Variants in METTL16 observed in about 807,000 individuals in gnomAD.
METTL16 encodes the protein methyltransferase 16, RNA N6-adenosine, also known as RNA N(6)-adenosine-methyltransferase METTL16.
Under a neutral mutation model 57.9 loss-of-function variants are expected in METTL16, and 19 were observed. That is an observed-to-expected ratio of 0.33 (90% confidence interval 0.23 to 0.48). The LOEUF (loss-of-function observed/expected upper bound fraction) is 0.48, where lower values mean the gene tolerates loss of function less well. Among genes scored for constraint, METTL16 ranks in the 20% least tolerant of loss-of-function variants. The probability of loss-of-function intolerance (pLI) is 0.99; values close to 1 mark genes in which losing one functional copy is unlikely to be tolerated. For missense variants in METTL16, 434 were observed against 691.5 expected (o/e 0.63, Z 4.18); for synonymous variants, 246 against 255.6 (o/e 0.96, Z 0.36).
chr17:2,475,507 TTAAAAGA>T (rs1274494755), intron 3 of METTL16, among the ~76,000 whole-genome samples: 1 of 152,136 alleles, frequency 6.6e-6, no homozygotes, highest in African/African-American at 2.4e-5. Flanking sequence ...TCAATTTCAT[TTAAAAGA>T]TAAAAAAGTA....
At chr17:2,439,118 A>G (rs192977031) in intron 7 of METTL16, among the ~76,000 whole-genome samples, 155 of 152,004 alleles carry the variant, frequency 1.0e-3, no homozygotes, top group African/African-American at 3.1e-3. Context: ...TTAAAAGAAA[A>G]TTTTTTGGGG....
At chr17:2,476,899 C>T (rs1050565071) in intron 3 of METTL16, among the ~76,000 whole-genome samples, 32 of 150,590 alleles carry the variant, frequency 2.1e-4, no homozygotes, top group African/African-American at 7.3e-4. Context: ...GAGGTTGCAA[C>T]GAGTCGAGAC....
Position 2,504,119 on chromosome 17 carries a change from A to G in METTL16, c.1-1788T>C, listed in dbSNP as rs372070601. On this transcript the variant is annotated intron_variant, in intron 1 of 9. Coordinates refer to ENST00000263092, the MANE Select transcript of METTL16 (RefSeq NM_024086.4). The stretch of plus-strand genomic sequence containing the variant: ...TGCTAAGGGAAATAAACCACACACA[A>G]AAGGACAAATATTGTATGCTTTCAC... Among the ~76,000 whole-genome samples, 53 of 152,338 alleles carry G rather than the reference A, an allele frequency of 3.5e-4. No individual in the cohort carries two copies. The Middle Eastern group carries it at 0.01, about 29-fold the overall frequency.
intron 1 of METTL16, among the ~76,000 whole-genome samples, chr17:2,511,280 C>A (rs1344303566): frequency 6.6e-6 from 1 of 151,910 alleles, no homozygotes; most frequent in Non-Finnish European, 1.5e-5. Flanking sequence ...TGACCATTAA[C>A]CCTCTTCAAC....
Position 2,420,934 on chromosome 17 carries a change from A to C in METTL16, c.889-30T>G, listed in dbSNP as rs1252695289. 6.2e-6 allele frequency: 10 copies of C among 1,600,616 alleles called. No individual in the cohort carries two copies. The African/African-American group carries it at 1.4e-4, about 22-fold the overall frequency. On this transcript the variant is annotated intron_variant, in intron 8 of 9. Coordinates refer to ENST00000263092, the MANE Select transcript of METTL16 (RefSeq NM_024086.4). This position sits in a 1 kb window ranked among gnomAD's most constrained non-coding sequence, Gnocchi z 5.4. ...AAGAAAAAGGAAGCATAGAAAAGAG[A>C]AGAAAGTTATCCGAATAATTAAACC...
chr17:2,447,759 G>T (rs1567889465), intron 6 of METTL16, among the ~76,000 whole-genome samples: 3 of 128,806 alleles, frequency 2.3e-5, no homozygotes, highest in Non-Finnish European at 5.0e-5. Context: ...GAGGTGGGGG[G>T]ATCAGCCCCC....
At chr17:2,495,643 T>A (rs1244294664) in intron 2 of METTL16, among the ~76,000 whole-genome samples, 4 of 143,172 alleles carry the variant, frequency 2.8e-5, no homozygotes, top group Admixed American at 7.2e-5. Context: ...TGCAGTGAGC[T>A]GAGATCCGGC....
At chr17:2,444,774 C>T (rs986965254) in intron 6 of METTL16, among the ~76,000 whole-genome samples, 15 of 148,400 alleles carry the variant, frequency 1.0e-4, no homozygotes, top group East Asian at 8.1e-4. Flanking sequence ...AGTGCAGTGG[C>T]GTGATCTTGG....
intron 2 of METTL16, among the ~76,000 whole-genome samples, chr17:2,479,628 C>T (rs1373246260): frequency 1.3e-5 from 2 of 152,110 alleles, no homozygotes; most frequent in African/African-American, 2.4e-5. Flanking sequence ...TGCTCCCCTG[C>T]CTGGTCATCA....
chr17:2,463,547 T>C (rs141022076), intron 6 of METTL16, among the ~76,000 whole-genome samples: 2,413 of 152,080 alleles, frequency 0.016, 56 homozygotes, highest in African/African-American at 0.051. Flanking sequence ...CTGCAACCTC[T>C]GCCTCCTGGG....
At chr17:2,453,383 T>G (rs140096583) in intron 6 of METTL16, among the ~76,000 whole-genome samples, 1 of 152,204 alleles carries the variant, frequency 6.6e-6, no homozygotes, top group African/African-American at 2.4e-5. Flanking sequence ...CTTCTTTTAC[T>G]CTCATGACCT....
rs1178930575 is a variant in METTL16, at chr17:2,423,261, G to GGGGGGTGTGT, written c.889-2358_889-2357insACACACCCCC. 5.6e-5 allele frequency among the ~76,000 whole-genome samples: 8 copies of GGGGGGTGTGT among 143,706 alleles called. No individual in the cohort carries two copies. The Admixed American group carries it at 5.7e-4, about 10-fold the overall frequency. 94.3% of individuals were successfully genotyped at this position (143,706 alleles called of 152,430 possible). A position where few individuals can be genotyped will look rare whatever the true frequency, so the allele number is the denominator to read the frequency against. ...TGTTAGGGAAGGATAAAAAACAAAGGGTGTGTGTGTGTGTGTGTGTGTGTG... is the reference window on the plus strand; with the variant it reads ...TGTTAGGGAAGGATAAAAAACAAAGGGGGGGTGTGTGTGTGTGTGTGTGTGTGTGTGTGTG... On this transcript the variant is annotated intron_variant, in intron 8 of 9. Coordinates refer to ENST00000263092, the MANE Select transcript of METTL16 (RefSeq NM_024086.4).
At chr17:2,467,947 G>A (rs570737696) in intron 4 of METTL16, 71 bp from the exon 5 acceptor site, 20 of 1,018,482 alleles carry the variant, frequency 2.0e-5, no homozygotes, top group South Asian at 6.6e-5. Flanking sequence ...CGCGCACTGC[G>A]TAATGATTCT....
At chr17:2,463,530 C>T (rs575012557) in intron 6 of METTL16, among the ~76,000 whole-genome samples, 21 of 152,162 alleles carry the variant, frequency 1.4e-4, no homozygotes, top group African/African-American at 2.2e-4. Flanking sequence ...GGCATGATCT[C>T]GGCTCACTGC....
chr17:2,509,944 G>A (rs2067575680), intron 1 of METTL16, among the ~76,000 whole-genome samples: 2 of 151,728 alleles, frequency 1.3e-5, no homozygotes, highest in South Asian at 4.2e-4. Flanking sequence ...GGGCGTGGTG[G>A]TGGGTGCCTG....
At chr17:2,493,691 T>G (rs904538618) in intron 2 of METTL16, among the ~76,000 whole-genome samples, 1 of 147,574 alleles carries the variant, frequency 6.8e-6, no homozygotes, top group African/African-American at 2.5e-5. Flanking sequence ...TGCACTCCAG[T>G]CTGGGTGACG....
At chr17:2,430,258 G>T (rs951011014) in intron 8 of METTL16, among the ~76,000 whole-genome samples, 2 of 151,478 alleles carry the variant, frequency 1.3e-5, no homozygotes, top group African/African-American at 2.4e-5. Context: ...GACTTCAGGC[G>T]CATACCACCA....
Position 2,444,435 on chromosome 17 carries a change from G to A in METTL16, c.729-2876C>T, listed in dbSNP as rs552052765. 5.9e-5 allele frequency among the ~76,000 whole-genome samples: 9 copies of A among 152,092 alleles called. No homozygotes were observed. In the South Asian group the frequency reaches 1.9e-3, roughly 32 times the overall value. The stretch of plus-strand genomic sequence containing the variant: ...ACTGCACTCCAGCCTGGGCTACAGA[G>A]CGAGACTCTGTCTCAAAATAAAATA... On this transcript the variant is annotated intron_variant, in intron 6 of 9. Transcript: ENST00000263092.
intron 2 of METTL16, among the ~76,000 whole-genome samples, chr17:2,483,429 G>A (rs962143356): frequency 6.6e-6 from 1 of 152,190 alleles, no homozygotes; most frequent in Non-Finnish European, 1.5e-5. Flanking sequence ...GACAGTGGAA[G>A]CAGAAGTTTA....
Sources: gnomAD v4.1 joint callset for allele counts (sites outside exome capture counted in the v4.1 genomes callset) on GRCh38, gnomAD v4.1.1 for gene constraint, Gnocchi (gnomAD v3.1) non-coding constraint, MANE v1.5 for transcripts, NCBI Gene and HGNC (gene_info 2026-07-23, HGNC 2026-07-21) for gene names.